Variants in ELFN1 observed in about 807,000 individuals in gnomAD.
ELFN1 encodes protein ELFN1.
In ELFN1, 6 loss-of-function variants were observed where a neutral mutation model predicts 7.6. The observed-to-expected ratio is 0.79, with a 90% CI of 0.43 to 1.56. The LOEUF (loss-of-function observed/expected upper bound fraction) is 1.56, where lower values mean the gene tolerates loss of function less well. Ranked by LOEUF, ELFN1 falls within the 40% of genes most tolerant of loss-of-function variation. The pLI is 0.01. For missense variants in ELFN1, 1,169 were observed against 1,232.2 expected (o/e 0.95, Z 0.77); for synonymous variants, 657 against 588.1 (o/e 1.12, Z -1.70).
chr7:1,698,574 T>C (rs561472508), intron 2 of ELFN1, among the ~76,000 whole-genome samples: 1 of 152,332 alleles, frequency 6.6e-6, no homozygotes, highest in Admixed American at 6.5e-5. Context: ...TTTGAATATA[T>C]GTAATAGCAT....
At chr7:1,701,047 T>G (rs1359919515) in intron 2 of ELFN1, among the ~76,000 whole-genome samples, 1 of 152,176 alleles carries the variant, frequency 6.6e-6, no homozygotes. Context: ...TTTAATACTT[T>G]GCATGATGTA....
At chr7:1,706,287 G>T (rs201398473) in intron 2 of ELFN1, among the ~76,000 whole-genome samples, 1 of 152,206 alleles carries the variant, frequency 6.6e-6, no homozygotes, top group Non-Finnish European at 1.5e-5. Flanking sequence ...GCCAGGCATG[G>T]TGGTGGGTGC....
In ELFN1 at chr7:1,730,673, G is replaced by A. The variant is rs576570805; in HGVS notation, c.-293-13631G>A. ...GCTAGAAATAGAACCAGAAACACAC[G>A]TCTTTATCGAAGTCAAGAATCTGTC... On this transcript the variant is annotated intron_variant, in intron 3 of 3. Coordinates refer to ENST00000424383, the MANE Select transcript of ELFN1 (RefSeq NM_001128636.4). 2.7e-4 allele frequency among the ~76,000 whole-genome samples: 41 copies of A among 152,298 alleles called. No homozygotes were observed. The East Asian group carries it at 6.0e-3, about 22-fold the overall frequency.
In ELFN1 at chr7:1,705,318, T is replaced by C. The variant is rs548190551; in HGVS notation, c.-455-3773T>C. ...CAAAATATGCAAATGGTATAATTAC[T>C]GTTATTTGTTTTGCTGATATAAGTG... On this transcript the variant is annotated intron_variant, in intron 2 of 3. Coordinates refer to ENST00000424383, the MANE Select transcript of ELFN1 (RefSeq NM_001128636.4). This position sits in a 1 kb window ranked among gnomAD's most constrained non-coding sequence, Gnocchi z 4.3. Among the ~76,000 whole-genome samples the C allele has an allele frequency of 1.3e-4, 20 of 152,342 alleles. No homozygotes were observed. The highest frequency in any genetic ancestry group is 4.6e-4 in the African/African-American group (19 of 41,578).
At chr7:1,715,579 A>C (rs1244827867) in intron 3 of ELFN1, among the ~76,000 whole-genome samples, 1 of 152,184 alleles carries the variant, frequency 6.6e-6, no homozygotes, top group East Asian at 1.9e-4. Context: ...TCCCCGCTGC[A>C]ATCAGCCTCC....
chr7:1,683,937 C>A (rs754010676), intron 1 of ELFN1, among the ~76,000 whole-genome samples: 5 of 151,984 alleles, frequency 3.3e-5, no homozygotes, highest in Non-Finnish European at 7.4e-5. Context: ...TTGCTTGTGC[C>A]CAGGAGTTTG....
intron 2 of ELFN1, among the ~76,000 whole-genome samples, chr7:1,689,131 A>T (rs918467139): frequency 1.3e-5 from 2 of 152,174 alleles, no homozygotes; most frequent in Non-Finnish European, 2.9e-5. Context: ...GTTTTCCCCC[A>T]CAAGATTCCC....
At chr7:1,672,499 G>T (rs1182052811) in intron 1 of ELFN1, among the ~76,000 whole-genome samples, 1 of 152,128 alleles carries the variant, frequency 6.6e-6, no homozygotes, top group African/African-American at 2.4e-5. Flanking sequence ...ATACTTGTAG[G>T]CTTCACCTGC....
chr7:1,705,257 C>T lies in ELFN1; in HGVS notation c.-455-3834C>T, dbSNP rs1053232109. Reference sequence around the variant, plus strand: ...AGGCTGGGCTGCTGGCATCAGCAGGCGCCCCTCCTCCCCACCTCGCTAAAC... The same window carrying T: ...AGGCTGGGCTGCTGGCATCAGCAGGTGCCCCTCCTCCCCACCTCGCTAAAC... On this transcript the variant is annotated intron_variant, in intron 2 of 3. Transcript: ENST00000424383. The surrounding 1 kb of genome is among the most constrained non-coding windows in gnomAD (Gnocchi z 4.3). Among the ~76,000 whole-genome samples, 3 of 152,276 alleles carry T rather than the reference C, an allele frequency of 2.0e-5. No individual in the cohort carries two copies. The highest frequency in any genetic ancestry group is 1.9e-4 in the East Asian group (1 of 5,178).
Position 1,746,584 on chromosome 7 carries a change from C to A in ELFN1, c.1988C>A (p.Ala663Glu). ...GAGGCCGTCGGGGTGCACAAGGCCGCGGCCGCCGAGGCCAAGTACATCGAG... is the reference window on the plus strand; with the variant it reads ...GAGGCCGTCGGGGTGCACAAGGCCGAGGCCGCCGAGGCCAAGTACATCGAG... ...RAEAVGVHKA[A>E]AAEAKYIEKG... The change falls in exon 4 of 4, where the codon GCG (alanine) becomes GAG (glutamate). Residue 663 changes from alanine to glutamate, a missense_variant. Ala to Glu is a moderately radical substitution (Grantham distance 107). Coordinates refer to ENST00000424383, the MANE Select transcript of ELFN1 (RefSeq NM_001128636.4). 7.4e-7 allele frequency: 1 copy of A among 1,345,850 alleles called. No homozygotes were observed. 83.4% of individuals were successfully genotyped at this position (1,345,850 alleles called of 1,614,324 possible).
At chr7:1,688,648 T>G (rs1412740110) in intron 2 of ELFN1, among the ~76,000 whole-genome samples, 1 of 152,246 alleles carries the variant, frequency 6.6e-6, no homozygotes, top group Non-Finnish European at 1.5e-5. Flanking sequence ...TTAAGACAAT[T>G]GTACAGTCCC....
In ELFN1 at chr7:1,681,553, TG is replaced by T. The variant is rs569658920; in HGVS notation, c.-548-6502del. Among the ~76,000 whole-genome samples, 26 of 152,230 alleles carry T rather than the reference TG, an allele frequency of 1.7e-4. No homozygotes were observed. In the South Asian group the frequency reaches 5.2e-3, roughly 30 times the overall value. On this transcript the variant is annotated intron_variant, in intron 1 of 3. Transcript: ENST00000424383. Reference sequence around the variant, plus strand: ...GATTTTTGTATTTTTTAGTAGAGACTGGGTCTCGCCATGTTGGCCAGGTTGG... The same window carrying T: ...GATTTTTGTATTTTTTAGTAGAGACTGGTCTCGCCATGTTGGCCAGGTTGG...
At chr7:1,667,898 G>A (rs1486944252), upstream of ELFN1, among the ~76,000 whole-genome samples, 1 of 151,802 alleles carries the variant, frequency 6.6e-6, no homozygotes, top group African/African-American at 2.4e-5. The surrounding 1 kb of genome is among the most constrained non-coding windows in gnomAD (Gnocchi z 8.2). Flanking sequence ...CGGCCACGGG[G>A]GAGGGGCGAC....
chr7:1,683,159 T>C (rs897983727), intron 1 of ELFN1, among the ~76,000 whole-genome samples: 17 of 151,094 alleles, frequency 1.1e-4, no homozygotes, highest in Non-Finnish European at 2.4e-4. Flanking sequence ...ACAGAATAAG[T>C]GGAGAAGTTT....
chr7:1,682,599 C>T (rs1332505160), intron 1 of ELFN1, among the ~76,000 whole-genome samples: 2 of 116,554 alleles, frequency 1.7e-5, no homozygotes, highest in Non-Finnish European at 3.4e-5. Context: ...TGCCATCATG[C>T]CAGGATAAAT....
intron 2 of ELFN1, among the ~76,000 whole-genome samples, chr7:1,708,102 A>G (rs575485998): frequency 1.3e-5 from 2 of 151,738 alleles, no homozygotes; most frequent in Non-Finnish European, 2.9e-5. Flanking sequence ...CCTGCACCCC[A>G]CCAGCACCCC....
chr7:1,673,317 T>C lies in ELFN1; in HGVS notation c.-549+2963T>C, dbSNP rs1052914544. On this transcript the variant is annotated intron_variant, in intron 1 of 3. Coordinates refer to ENST00000424383, the MANE Select transcript of ELFN1 (RefSeq NM_001128636.4). The surrounding 1 kb of genome is among the most constrained non-coding windows in gnomAD (Gnocchi z 4.7). The stretch of plus-strand genomic sequence containing the variant: ...GGAGGGGTCCTATGTCTGGCGTCTG[T>C]GTCCTGTTGTGTTGGTTCAGGTCAG... Among the ~76,000 whole-genome samples the C allele has an allele frequency of 2.0e-5, 3 of 152,134 alleles. No homozygotes were observed. Among genetic ancestry groups the C allele is most frequent in the Non-Finnish European group, 4.4e-5 (3 of 68,020 alleles).
At chr7:1,672,208 T>A (rs1404169838) in intron 1 of ELFN1, among the ~76,000 whole-genome samples, 1 of 152,034 alleles carries the variant, frequency 6.6e-6, no homozygotes, top group Non-Finnish European at 1.5e-5. Flanking sequence ...GGTGCAGGGA[T>A]GTGGTGGGCA....
chr7:1,672,546 A>G (rs1449667083), intron 1 of ELFN1, among the ~76,000 whole-genome samples: 1 of 152,192 alleles, frequency 6.6e-6, no homozygotes, highest in African/African-American at 2.4e-5. Context: ...CTAAAATATG[A>G]CCACAGTGCC....
Sources: gnomAD v4.1 joint callset for allele counts (sites outside exome capture counted in the v4.1 genomes callset) on GRCh38, gnomAD v4.1.1 for gene constraint, Gnocchi (gnomAD v3.1) non-coding constraint, MANE v1.5 for transcripts, NCBI Gene and HGNC (gene_info 2026-07-23, HGNC 2026-07-21) for gene names.